Variants in IPO11 observed in about 807,000 individuals in gnomAD.
The protein encoded by IPO11 is importin-11.
Under a neutral mutation model 143.2 loss-of-function variants are expected in IPO11, and 66 were observed. That is an observed-to-expected ratio of 0.46 (90% CI 0.38 to 0.57). The LOEUF is 0.57. Ranked by LOEUF, IPO11 falls within the 20% of genes least tolerant of loss-of-function variation. IPO11 has a pLI of 0.00. For synonymous variants in IPO11, 385 were observed against 377.8 expected (o/e 1.02, Z -0.22); for missense variants, 1,026 against 1,141.0 (o/e 0.90, Z 1.45).
intron 3 of IPO11, among the ~76,000 whole-genome samples, chr5:62,449,562 C>T (rs1193935743): frequency 6.6e-6 from 1 of 151,142 alleles, no homozygotes; most frequent in Non-Finnish European, 1.5e-5. Flanking sequence ...TAAAAGTGAA[C>T]ATCAAATATA....
chr5:62,535,582 G>A (rs1017980692), intron 22 of IPO11, among the ~76,000 whole-genome samples: 13 of 151,972 alleles, frequency 8.6e-5, no homozygotes, highest in Non-Finnish European at 1.9e-4. Context: ...CTAGTAATAA[G>A]TTTATCATTT....
At chr5:62,520,890 A>G (rs917621498) in intron 20 of IPO11, among the ~76,000 whole-genome samples, 1 of 152,194 alleles carries the variant, frequency 6.6e-6, no homozygotes, top group African/African-American at 2.4e-5. Context: ...GGCTGGGCCA[A>G]ATGGTATTTC....
chr5:62,558,363 G>T (rs1015107308), intron 26 of IPO11, among the ~76,000 whole-genome samples: 1 of 152,120 alleles, frequency 6.6e-6, no homozygotes, highest in African/African-American at 2.4e-5. Context: ...AAGTGTTCAA[G>T]AACTACGTAA....
At chr5:62,452,650 T>G (rs1744975754) in intron 5 of IPO11, among the ~76,000 whole-genome samples, 1 of 139,328 alleles carries the variant, frequency 7.2e-6, no homozygotes, top group Non-Finnish European at 1.5e-5. Context: ...ACCTTTTTTT[T>G]GGTTTTGGGT....
chr5:62,415,464 C>CTTTTTTTTT (rs67290766), intron 1 of IPO11, among the ~76,000 whole-genome samples: 1 of 101,280 alleles, frequency 9.9e-6, no homozygotes, highest in Non-Finnish European at 1.9e-5. Flanking sequence ...CCCGTCTTTA[C>CTTTTTTTTT]TTTTTTTTTT....
chr5:62,441,532 T>TTTG (rs1744477570), intron 2 of IPO11, among the ~76,000 whole-genome samples: 1 of 80,422 alleles, frequency 1.2e-5, no homozygotes, highest in Non-Finnish European at 2.3e-5. Context: ...TTTTTTTTTA[T>TTTG]GGGACAGAGT....
At chr5:62,530,618 T>C in intron 21 of IPO11, 91 bp from the exon 22 acceptor site, 2 of 741,412 alleles carry the variant, frequency 2.7e-6, no homozygotes, top group Non-Finnish European at 4.6e-6. Flanking sequence ...CCTTTCTTCA[T>C]TTAAATGAGA....
chr5:62,583,046 T>C (rs979204380), intron 27 of IPO11, among the ~76,000 whole-genome samples: 5 of 152,216 alleles, frequency 3.3e-5, no homozygotes, highest in African/African-American at 1.2e-4. Context: ...TTTTGGGGAT[T>C]ATAATTTCAG....
chr5:62,582,194 A>G (rs1273496160), intron 27 of IPO11, among the ~76,000 whole-genome samples: 1 of 152,212 alleles, frequency 6.6e-6, no homozygotes, highest in African/African-American at 2.4e-5. Flanking sequence ...TGGAAGGAAC[A>G]ATAAAACCGG....
intron 1 of IPO11, chr5:62,418,800 G>T: frequency 2.1e-6 from 1 of 466,864 alleles, no homozygotes; most frequent in Non-Finnish European, 3.8e-6. Flanking sequence ...CCAAGTCTCT[G>T]TTAATATAGA....
chr5:62,550,714 A>G (rs1743359400), intron 25 of IPO11, among the ~76,000 whole-genome samples: 1 of 152,184 alleles, frequency 6.6e-6, no homozygotes, highest in South Asian at 2.1e-4. Context: ...AGGAATGGTG[A>G]GTGGCTTAAT....
intron 27 of IPO11, among the ~76,000 whole-genome samples, chr5:62,582,676 G>A (rs1744613564): frequency 1.3e-5 from 2 of 152,204 alleles, no homozygotes; most frequent in Admixed American, 1.3e-4. Context: ...AGACCTTGTA[G>A]AAGTTGAGAG....
chr5:62,536,706 A>G lies in IPO11; in HGVS notation c.2094A>G (p.Leu698=). 1 of 1,574,168 alleles carries G rather than the reference A, an allele frequency of 6.4e-7. No individual in the cohort carries two copies. Among genetic ancestry groups the G allele is most frequent in the Non-Finnish European group, 8.6e-7 (1 of 1,167,056 alleles). The change falls in exon 23 of 30, where the codon CTA becomes CTG. Residue 698 remains leucine, a synonymous_variant. Coordinates refer to ENST00000325324, the MANE Select transcript of IPO11 (RefSeq NM_016338.5). The part of the protein sequence containing the change: ...IFQNMSPLLE[L]SSENLRTCFK... ...TGACATTTATTGTTTTGGCAGAACTAAGTTCAGAAAATCTTAGAACTTGCT... is the reference window on the plus strand; with the variant it reads ...TGACATTTATTGTTTTGGCAGAACTGAGTTCAGAAAATCTTAGAACTTGCT...
intron 1 of IPO11, among the ~76,000 whole-genome samples, chr5:62,435,848 G>T (rs971356014): frequency 6.6e-6 from 1 of 151,926 alleles, no homozygotes; most frequent in African/African-American, 2.4e-5. Context: ...GGCCAACGTG[G>T]TGAAACCCCG....
At chr5:62,540,224 C>T (rs901345566) in intron 24 of IPO11, among the ~76,000 whole-genome samples, 3 of 151,992 alleles carry the variant, frequency 2.0e-5, no homozygotes, top group Non-Finnish European at 4.4e-5. Flanking sequence ...CCTTGGTTTG[C>T]GTATGCTGCC....
chr5:62,493,725 C>T lies in IPO11; in HGVS notation c.1464-273C>T, dbSNP rs185161743. On this transcript the variant is annotated intron_variant, in intron 15 of 29. Coordinates refer to ENST00000325324, the MANE Select transcript of IPO11 (RefSeq NM_016338.5). ...CTGGGACCACAGGTGCATGCCACCA[C>T]GCCCTGCTAATTTTTGTATTTTTAG... Among the ~76,000 whole-genome samples, 414 of 152,090 alleles carry T rather than the reference C, an allele frequency of 2.7e-3. 1 individual carries two copies. The highest frequency in any genetic ancestry group is 9.4e-3 in the African/African-American group (389 of 41,474).
chr5:62,536,076 G>A (rs980695705), intron 22 of IPO11, among the ~76,000 whole-genome samples: 2 of 152,158 alleles, frequency 1.3e-5, no homozygotes, highest in African/African-American at 4.8e-5. Flanking sequence ...AAAACTGAAA[G>A]ATTGAAAATA....
At chr5:62,543,671 G>C (rs566976803) in intron 24 of IPO11, among the ~76,000 whole-genome samples, 29 of 152,074 alleles carry the variant, frequency 1.9e-4, no homozygotes, top group Non-Finnish European at 3.5e-4. Flanking sequence ...AGGGTTTTTT[G>C]TGTCTCTATT....
chr5:62,586,303 A>G (rs1408361289), intron 27 of IPO11, among the ~76,000 whole-genome samples: 1 of 152,146 alleles, frequency 6.6e-6, no homozygotes, highest in Non-Finnish European at 1.5e-5. Context: ...TGTTATTCAA[A>G]TGCTTCTTGC....
Sources: gnomAD v4.1 joint callset for allele counts (sites outside exome capture counted in the v4.1 genomes callset) on GRCh38, gnomAD v4.1.1 for gene constraint, MANE v1.5 for transcripts, NCBI Gene and HGNC (gene_info 2026-07-23, HGNC 2026-07-21) for gene names.